The following PDE1C variants were observed in gnomAD, a reference collection of about 807,000 sequenced individuals.
The protein encoded by PDE1C is phosphodiesterase 1C, also known as dual specificity calcium/calmodulin-dependent 3',5'-cyclic nucleotide phosphodiesterase 1C.
Under a neutral mutation model 93.1 loss-of-function variants are expected in PDE1C, and 62 were observed. That is an observed-to-expected ratio of 0.67 (90% CI 0.54 to 0.82). The LOEUF (loss-of-function observed/expected upper bound fraction) is 0.82, where lower values mean the gene tolerates loss of function less well. Among genes scored for constraint, PDE1C ranks in the 40% least tolerant of loss-of-function variants. The pLI is 0.00. For missense variants in PDE1C, 742 were observed against 884.6 expected, an observed-to-expected ratio of 0.84 and a Z score of 2.04; for synonymous variants, 325 against 310.1, an observed-to-expected ratio of 1.05 and a Z score of -0.50.
intron 1 of PDE1C, among the ~76,000 whole-genome samples, chr7:32,212,680 A>C (rs1488553142): frequency 6.6e-6 from 1 of 151,386 alleles, no homozygotes; most frequent in Non-Finnish European, 1.5e-5. Context: ...GCCTTGGTGT[A>C]CTCCTCCCTC....
At chr7:31,945,915 AT>A (rs2129007076) in intron 2 of PDE1C, among the ~76,000 whole-genome samples, 2 of 152,036 alleles carry the variant, frequency 1.3e-5, no homozygotes, top group South Asian at 4.2e-4. Context: ...CTATTGACCC[AT>A]TTTAAGTTTA....
At chr7:31,620,515 T>G in the PDE1C span, among the ~76,000 whole-genome samples, 1 of 151,050 alleles carries the variant, frequency 6.6e-6, no homozygotes, top group Admixed American at 6.7e-5. Flanking sequence ...GGAGTGGACC[T>G]CTAGCAAACT....
chr7:31,680,986 T>C, the PDE1C span, among the ~76,000 whole-genome samples: 5 of 152,200 alleles, frequency 3.3e-5, no homozygotes, highest in African/African-American at 1.2e-4. Flanking sequence ...GGCCAGCCAA[T>C]TGACCTCAGG....
At chr7:31,919,559 T>C (rs1168784164) in intron 2 of PDE1C, among the ~76,000 whole-genome samples, 1 of 151,998 alleles carries the variant, frequency 6.6e-6, no homozygotes, top group East Asian at 1.9e-4. Flanking sequence ...AAAAAGACCC[T>C]AACCTCAAGC....
chr7:32,308,877 C>G (rs1241970799), intron 1 of PDE1C, among the ~76,000 whole-genome samples: 1 of 151,688 alleles, frequency 6.6e-6, no homozygotes, highest in Non-Finnish European at 1.5e-5. Flanking sequence ...TCCTCACCAG[C>G]AACTGAACAA....
At chr7:32,018,084 C>CT (rs1433340504) in intron 2 of PDE1C, among the ~76,000 whole-genome samples, 2 of 148,698 alleles carry the variant, frequency 1.3e-5, no homozygotes, top group African/African-American at 5.0e-5. Context: ...GAGACCCTGT[C>CT]TAAAAAAAAA....
intron 17 of PDE1C, among the ~76,000 whole-genome samples, chr7:31,766,442 G>C (rs1025162627): frequency 6.6e-6 from 1 of 151,692 alleles, no homozygotes; most frequent in Non-Finnish European, 1.5e-5. Flanking sequence ...TATAAATAAT[G>C]ATATAATAAA....
intron 1 of PDE1C, among the ~76,000 whole-genome samples, chr7:32,232,068 G>T (rs1807736817): frequency 6.6e-6 from 1 of 151,910 alleles, no homozygotes; most frequent in South Asian, 2.1e-4. Context: ...ACTGAATGCA[G>T]CTATAAATCC....
intron 2 of PDE1C, among the ~76,000 whole-genome samples, chr7:32,187,122 T>C (rs1193936891): frequency 6.6e-6 from 1 of 152,070 alleles, no homozygotes; most frequent in Non-Finnish European, 1.5e-5. Flanking sequence ...AATTTTCTTT[T>C]CTTCTTTCTT....
intron 1 of PDE1C, among the ~76,000 whole-genome samples, chr7:32,210,065 T>A (rs1805886772): frequency 6.6e-6 from 1 of 152,234 alleles, no homozygotes; most frequent in South Asian, 2.1e-4. Flanking sequence ...GGGAAGTTCA[T>A]TAATAGAATT....
At chr7:31,643,170 T>A in the PDE1C span, 2 of 1,613,950 alleles carry the variant, frequency 1.2e-6, no homozygotes, top group Non-Finnish European at 1.7e-6. Context: ...AAAGGTCACC[T>A]GGAAATGATC....
the PDE1C span, chr7:31,643,341 T>C: frequency 6.2e-7 from 1 of 1,613,968 alleles, no homozygotes; most frequent in Non-Finnish European, 8.5e-7. Context: ...CTGACCTTGC[T>C]CAAACATCTG....
At chr7:32,236,865 TC>T (rs1808120860) in intron 1 of PDE1C, among the ~76,000 whole-genome samples, 1 of 152,104 alleles carries the variant, frequency 6.6e-6, no homozygotes, top group Non-Finnish European at 1.5e-5. Context: ...CTATTCATAA[TC>T]ACCAAAAACT....
At position 32,125,405 on chromosome 7, in the gene PDE1C, A is replaced by G. The variant is rs555903608; in HGVS notation, c.308+44380T>C. Among the ~76,000 whole-genome samples the G allele has an allele frequency of 8.2e-4, 125 of 152,342 alleles. 5 individuals are homozygous for G. The highest frequency in any genetic ancestry group is 2.5e-3 in the African/African-American group (104 of 41,572). ...AAGAATATAAATCGTTCTACTATAA[A>G]GATGCATGTACATGTATGTTCACTG... On this transcript the variant is annotated intron_variant, in intron 3 of 18. Coordinates refer to the PDE1C transcript ENST00000396193.
intron 2 of PDE1C, among the ~76,000 whole-genome samples, chr7:31,920,678 ATAAT>A (rs1300605448): frequency 2.6e-5 from 4 of 152,196 alleles, no homozygotes; most frequent in Non-Finnish European, 4.4e-5. Context: ...GGATACACAA[ATAAT>A]TAATTAAAAG....
At chr7:32,395,846 A>G (rs910970977) in intron 1 of PDE1C, among the ~76,000 whole-genome samples, 1 of 143,786 alleles carries the variant, frequency 7.0e-6, no homozygotes, top group Non-Finnish European at 1.5e-5. Flanking sequence ...AAACTTTAAA[A>G]CACTCCTGAT....
At chr7:32,020,607 A>C (rs564691512) in intron 2 of PDE1C, among the ~76,000 whole-genome samples, 1 of 152,246 alleles carries the variant, frequency 6.6e-6, no homozygotes, top group African/African-American at 2.4e-5. Context: ...ACTTATTTTT[A>C]GGGAGTAAAA....
At chr7:32,311,083 C>G (rs1302393391) in intron 1 of PDE1C, among the ~76,000 whole-genome samples, 1 of 152,148 alleles carries the variant, frequency 6.6e-6, no homozygotes, top group Non-Finnish European at 1.5e-5. Context: ...CACCACCGAT[C>G]CCACAGAAAT....
At chr7:31,974,966 A>T (rs1195056447) in intron 2 of PDE1C, among the ~76,000 whole-genome samples, 5 of 152,224 alleles carry the variant, frequency 3.3e-5, no homozygotes, top group Admixed American at 3.3e-4. Flanking sequence ...ACAAAGGCCG[A>T]GTTCATGAAA....
Sources: allele counts gnomAD v4.1 joint callset (sites outside exome capture counted in the v4.1 genomes callset), GRCh38; gene constraint gnomAD v4.1.1; transcripts MANE v1.5; gene names NCBI Gene and HGNC (gene_info 2026-07-23, HGNC 2026-07-21).